CLVS1: variants seen among roughly 807,000 people sequenced by gnomAD.
The protein encoded by CLVS1 is clavesin 1.
CLVS1 carries 10 observed loss-of-function variants against 33.1 expected under a neutral mutation model. The observed-to-expected ratio is 0.30, with a 90% CI of 0.19 to 0.51. The LOEUF is 0.51. Ranked by LOEUF, CLVS1 falls within the 20% of genes least tolerant of loss-of-function variation. The pLI, the probability that CLVS1 is intolerant of heterozygous loss-of-function variation, is 0.97. For synonymous variants in CLVS1, 163 were observed against 166.1 expected, an observed-to-expected ratio of 0.98 and a Z score of 0.14; for missense variants, 343 against 433.4, an observed-to-expected ratio of 0.79 and a Z score of 1.85.
At chr8:61,364,752 G>A (rs1054812999) in intron 2 of CLVS1, among the ~76,000 whole-genome samples, 2 of 152,276 alleles carry the variant, frequency 1.3e-5, no homozygotes, top group Non-Finnish European at 2.9e-5. Context: ...GGCTTCCCTT[G>A]GTTGTAAAAG....
chr8:61,473,808 G>C (rs1026641552), intron 5 of CLVS1, among the ~76,000 whole-genome samples: 1 of 152,230 alleles, frequency 6.6e-6, no homozygotes, highest in African/African-American at 2.4e-5. Context: ...CAATGCTGCT[G>C]AATGGAAAGC....
intron 1 of CLVS1, among the ~76,000 whole-genome samples, chr8:61,105,229 G>A (rs542643869): frequency 3.9e-5 from 6 of 152,320 alleles, no homozygotes; most frequent in African/African-American, 1.4e-4. Flanking sequence ...GAAAAAGAGT[G>A]AATTGAATTT....
chr8:61,394,075 G>A lies in CLVS1; in HGVS notation c.630+17296G>A, dbSNP rs187579475. Among the ~76,000 whole-genome samples the A allele has an allele frequency of 7.9e-4, 121 of 152,238 alleles. 1 individual carries two copies. The Middle Eastern group carries it at 0.02, about 26-fold the overall frequency. ...TATGATTAGAATGATAGCCTGGCAC[G>A]GTGGCTCACGCCTCTAATCCCAGCA... On this transcript the variant is annotated intron_variant, in intron 3 of 5. Transcript: ENST00000325897.
At chr8:61,203,334 C>T (rs1182266443) in intron 2 of CLVS1, 13 of 622,336 alleles carry the variant, frequency 2.1e-5, no homozygotes, top group Non-Finnish European at 2.7e-5. Flanking sequence ...CTTTCCCTAC[C>T]GTGTTTGATA....
chr8:60,991,821 A>G, the CLVS1 span, among the ~76,000 whole-genome samples: 36,420 of 147,020 alleles, frequency 0.25, 4,926 homozygotes, highest in African/African-American at 0.37. Context: ...ATCTGGGCTC[A>G]CTGTAACCTC....
intron 2 of CLVS1, among the ~76,000 whole-genome samples, chr8:61,366,388 A>C (rs1007933925): frequency 2.0e-5 from 3 of 152,196 alleles, no homozygotes; most frequent in African/African-American, 7.2e-5. Flanking sequence ...TTCACACTAC[A>C]TTAACCTTAT....
At chr8:61,016,308 G>T in the CLVS1 span, among the ~76,000 whole-genome samples, 3 of 152,202 alleles carry the variant, frequency 2.0e-5, no homozygotes. Flanking sequence ...TACTCAACCT[G>T]TAGCACATGG....
intron 5 of CLVS1, among the ~76,000 whole-genome samples, chr8:61,481,120 G>A (rs541527978): frequency 1.3e-5 from 2 of 152,158 alleles, no homozygotes; most frequent in Non-Finnish European, 1.5e-5. Context: ...ACCTGTGAGG[G>A]CTGAGTAAGG....
upstream of CLVS1, among the ~76,000 whole-genome samples, chr8:61,054,204 C>T (rs1286924630): frequency 6.6e-6 from 1 of 152,190 alleles, no homozygotes; most frequent in Non-Finnish European, 1.5e-5. Flanking sequence ...GGAAAGCTGC[C>T]GCCCTGGGCA....
intron 2 of CLVS1, among the ~76,000 whole-genome samples, chr8:61,173,322 T>C (rs1563430886): frequency 6.6e-6 from 1 of 152,232 alleles, no homozygotes; most frequent in African/African-American, 2.4e-5. Flanking sequence ...TTTTATTTTT[T>C]AGTGCATATC....
At chr8:60,971,243 AT>A in the CLVS1 span, among the ~76,000 whole-genome samples, 10 of 151,666 alleles carry the variant, frequency 6.6e-5, no homozygotes, top group African/African-American at 2.4e-4. Context: ...CACCCAGCTA[AT>A]TTTTCTGTAT....
rs189228403 is a variant in CLVS1 at position 61,177,166 on chromosome 8, C to T, written c.-152+45306C>T. 1.6e-3 allele frequency among the ~76,000 whole-genome samples: 243 copies of T among 152,328 alleles called. 3 individuals carry two copies. The highest frequency in any genetic ancestry group is 2.9e-3 in the Non-Finnish European group (198 of 68,026). ...CCTGCTGGAGCCAAGGATAATGGAC[C>T]TCTTGGTCCCAAGAGGTATTCCCCA... On this transcript the variant is annotated intron_variant, in intron 2 of 2. Transcript: ENST00000522621.
intron 3 of CLVS1, among the ~76,000 whole-genome samples, chr8:61,433,340 T>C (rs1465231354): frequency 6.6e-6 from 1 of 152,240 alleles, no homozygotes; most frequent in Non-Finnish European, 1.5e-5. Context: ...AAGTCAATTA[T>C]ACATTGTCTC....
intron 2 of CLVS1, among the ~76,000 whole-genome samples, chr8:61,246,119 C>T (rs1353519304): frequency 4.1e-5 from 6 of 146,738 alleles, no homozygotes; most frequent in South Asian, 2.2e-4. Flanking sequence ...TCTTCCAAGA[C>T]GAGGCAGGAC....
At chr8:61,239,262 C>G (rs1181910383) in intron 2 of CLVS1, among the ~76,000 whole-genome samples, 1 of 152,154 alleles carries the variant, frequency 6.6e-6, no homozygotes, top group Non-Finnish European at 1.5e-5. Context: ...ATTGTAGAAT[C>G]TATACAACTG....
At chr8:61,417,755 T>C (rs906999879) in intron 3 of CLVS1, among the ~76,000 whole-genome samples, 4 of 152,198 alleles carry the variant, frequency 2.6e-5, no homozygotes, top group Non-Finnish European at 5.9e-5. Flanking sequence ...CCTACTTCCT[T>C]GTGCCAGAGC....
chr8:61,065,539 T>A (rs1439201899), intron 1 of CLVS1, among the ~76,000 whole-genome samples: 1 of 152,196 alleles, frequency 6.6e-6, no homozygotes, highest in African/African-American at 2.4e-5. Flanking sequence ...AGCAGACACA[T>A]TTTCAGTTGT....
intron 2 of CLVS1, among the ~76,000 whole-genome samples, chr8:61,281,989 A>C (rs540243605): frequency 6.6e-6 from 1 of 152,338 alleles, no homozygotes; most frequent in Non-Finnish European, 1.5e-5. Flanking sequence ...TTTTGAGAAA[A>C]GTGCCCATGG....
chr8:61,032,961 CAAGGAAGG>C, the CLVS1 span, among the ~76,000 whole-genome samples: 2,769 of 80,612 alleles, frequency 0.034, 212 homozygotes, highest in African/African-American at 0.094. Flanking sequence ...TCAAAAGAAA[CAAGGAAGG>C]AAGGAAGGAA....
Sources: gnomAD v4.1 joint callset for allele counts (sites outside exome capture counted in the v4.1 genomes callset) on GRCh38, gnomAD v4.1.1 for gene constraint, MANE v1.5 for transcripts, NCBI Gene and HGNC (gene_info 2026-07-23, HGNC 2026-07-21) for gene names.